The following FSTL4 variants were observed in gnomAD, a reference collection of about 807,000 sequenced individuals.
FSTL4 encodes follistatin-related protein 4.
Under a neutral mutation model 78.2 loss-of-function variants are expected in FSTL4, and 28 were observed. The ratio of observed to expected loss-of-function variants is 0.36; its 90% CI spans 0.27 to 0.49. The LOEUF is 0.49. FSTL4 is among the 20% of genes least tolerant of loss of function. The pLI is 0.98. For missense variants in FSTL4, 922 were observed against 1,084.9 expected, an observed-to-expected ratio of 0.85 and a Z score of 2.11; for synonymous variants, 422 against 440.5, an observed-to-expected ratio of 0.96 and a Z score of 0.53.
chr5:133,589,038 A>T (rs1212037305), intron 2 of FSTL4, among the ~76,000 whole-genome samples: 2 of 21,042 alleles, frequency 9.5e-5, no homozygotes, highest in Non-Finnish European at 2.0e-4. Context: ...TCGCAAGAAC[A>T]AAAAACCAAA....
intron 6 of FSTL4, among the ~76,000 whole-genome samples, chr5:133,299,001 T>C (rs953660818): frequency 2.6e-5 from 4 of 152,246 alleles, no homozygotes; most frequent in African/African-American, 9.6e-5. Context: ...GTTACAGAGC[T>C]TGTAAGGGCC....
Position 133,484,770 on chromosome 5 carries a change from CA to C in FSTL4, c.160+82415del, listed in dbSNP as rs1434027302. On this transcript the variant is annotated intron_variant, in intron 3 of 15. Coordinates refer to ENST00000265342, the MANE Select transcript of FSTL4 (RefSeq NM_015082.2). Reference sequence around the variant, plus strand: ...CACTTGAAATGTAGCCACACTTCTGCAACCGATGTCAGTGTGAGGGCTTCAT... The same window carrying C: ...CACTTGAAATGTAGCCACACTTCTGCACCGATGTCAGTGTGAGGGCTTCAT... Among the ~76,000 whole-genome samples the C allele has an allele frequency of 2.6e-5, 4 of 152,320 alleles. No homozygotes were observed. In the East Asian group the frequency reaches 7.7e-4, roughly 29 times the overall value.
intron 3 of FSTL4, among the ~76,000 whole-genome samples, chr5:133,417,854 G>A (rs889105961): frequency 1.3e-5 from 2 of 151,332 alleles, no homozygotes; most frequent in African/African-American, 4.9e-5. Flanking sequence ...AGCTACTAGG[G>A]TGGCTGAGGC....
chr5:133,493,465 A>T (rs1758309853), intron 3 of FSTL4, among the ~76,000 whole-genome samples: 1 of 152,236 alleles, frequency 6.6e-6, no homozygotes, highest in South Asian at 2.1e-4. Flanking sequence ...GCAGACCACA[A>T]GCTACTTGCC....
the FSTL4 span, among the ~76,000 whole-genome samples, chr5:133,790,024 C>A: frequency 1.4e-4 from 22 of 152,126 alleles, no homozygotes; most frequent in Admixed American, 3.9e-4. Context: ...ATTTCCTACC[C>A]CTATGTGGTG....
chr5:133,807,644 G>A, the FSTL4 span, among the ~76,000 whole-genome samples: 16 of 152,238 alleles, frequency 1.1e-4, no homozygotes, highest in Admixed American at 3.9e-4. Flanking sequence ...TATGTGGGCC[G>A]TTGAGGCAAC....
At chr5:133,579,458 T>C (rs1760355888) in intron 2 of FSTL4, among the ~76,000 whole-genome samples, 1 of 152,202 alleles carries the variant, frequency 6.6e-6, no homozygotes, top group Non-Finnish European at 1.5e-5. Flanking sequence ...CAGCTGTCGA[T>C]CGAACAAGCT....
At chr5:133,617,801 G>A in the FSTL4 span, among the ~76,000 whole-genome samples, 1 of 152,234 alleles carries the variant, frequency 6.6e-6, no homozygotes, top group African/African-American at 2.4e-5. Flanking sequence ...AGAGGACAAA[G>A]TTCTTTCACA....
At chr5:133,270,890 G>A (rs1302073854) in intron 6 of FSTL4, among the ~76,000 whole-genome samples, 1 of 152,198 alleles carries the variant, frequency 6.6e-6, no homozygotes, top group African/African-American at 2.4e-5. Flanking sequence ...TGGAAAGGAC[G>A]AGTTTAATAA....
At chr5:133,798,984 G>GGGAT in the FSTL4 span, among the ~76,000 whole-genome samples, 1 of 87,326 alleles carries the variant, frequency 1.1e-5, no homozygotes, top group African/African-American at 5.5e-5. Flanking sequence ...GAGGGAGGGA[G>GGGAT]GGAGGAAGGG....
In FSTL4 at chr5:133,474,994, T is replaced by C. The variant is rs914041646; in HGVS notation, c.161-74008A>G. Among the ~76,000 whole-genome samples the C allele has an allele frequency of 7.2e-5, 11 of 152,142 alleles. No homozygotes were observed. The East Asian group carries it at 1.7e-3, about 24-fold the overall frequency. ...ATCCTAATGTTAGGTTCCCAAAGGC[T>C]GTCCTCAGCAGAGAGAGAATAAAAA... is the stretch of plus-strand genomic sequence containing the variant. On this transcript the variant is annotated intron_variant, in intron 3 of 15. Coordinates refer to ENST00000265342, the MANE Select transcript of FSTL4 (RefSeq NM_015082.2).
the FSTL4 span, among the ~76,000 whole-genome samples, chr5:133,743,139 G>A: frequency 2.0e-5 from 3 of 152,096 alleles, no homozygotes; most frequent in African/African-American, 7.2e-5. Context: ...TCAGACTCAG[G>A]GGGCCCTGGG....
In FSTL4 at chr5:133,440,789, A is replaced by C. The variant is rs952442888; in HGVS notation, c.161-39803T>G. On this transcript the variant is annotated intron_variant, in intron 3 of 15. Transcript: ENST00000265342. This position sits in a 1 kb window ranked among gnomAD's most constrained non-coding sequence, Gnocchi z 4.1. ...GGCAGGACATGAGAACCACGCCCCC[A>C]GCCCTCACCCACCACTTCTCCACAC... is the stretch of plus-strand genomic sequence containing the variant. Among the ~76,000 whole-genome samples the C allele has an allele frequency of 6.6e-6, 1 of 152,274 alleles. No homozygotes were observed. Among genetic ancestry groups the C allele is most frequent in the South Asian group, 2.1e-4 (1 of 4,830 alleles).
the FSTL4 span, among the ~76,000 whole-genome samples, chr5:133,705,829 G>C: frequency 6.6e-6 from 1 of 150,618 alleles, no homozygotes; most frequent in Non-Finnish European, 1.5e-5. Flanking sequence ...TTTCCAGAAA[G>C]CCTCCTGCAA....
chr5:133,381,871 C>T (rs141453247), intron 4 of FSTL4, among the ~76,000 whole-genome samples: 56 of 152,344 alleles, frequency 3.7e-4, no homozygotes, highest in African/African-American at 8.4e-4. Flanking sequence ...GCCGGGATGC[C>T]GTGGACTGAG....
intron 2 of FSTL4, among the ~76,000 whole-genome samples, chr5:133,579,685 T>A (rs1760360439): frequency 6.6e-6 from 1 of 152,214 alleles, no homozygotes; most frequent in Non-Finnish European, 1.5e-5. Context: ...GATATTCCAA[T>A]CTGCTACTTT....
At chr5:133,742,834 G>T in the FSTL4 span, among the ~76,000 whole-genome samples, 1 of 152,158 alleles carries the variant, frequency 6.6e-6, no homozygotes, top group East Asian at 1.9e-4. Context: ...CAGGCTGGGG[G>T]TGTTCAGGCA....
chr5:133,661,236 C>T, the FSTL4 span, among the ~76,000 whole-genome samples: 11 of 152,140 alleles, frequency 7.2e-5, no homozygotes, highest in Non-Finnish European at 1.3e-4. Flanking sequence ...GTGATCCGCC[C>T]GCCTCAGCCT....
intron 3 of FSTL4, among the ~76,000 whole-genome samples, chr5:133,428,666 C>G (rs771496663): frequency 3.3e-5 from 5 of 152,220 alleles, no homozygotes; most frequent in African/African-American, 4.8e-5. Flanking sequence ...AGAGGTGCTG[C>G]ATATAGGGGC....
Sources: gnomAD v4.1 joint callset for allele counts (sites outside exome capture counted in the v4.1 genomes callset) on GRCh38, gnomAD v4.1.1 for gene constraint, Gnocchi (gnomAD v3.1) non-coding constraint, MANE v1.5 for transcripts, NCBI Gene and HGNC (gene_info 2026-07-23, HGNC 2026-07-21) for gene names.